The following FRMD4B variants were observed in gnomAD, a reference collection of about 807,000 sequenced individuals.
FRMD4B encodes FERM domain-containing protein 4B.
FRMD4B carries 74 observed loss-of-function variants against 141.5 expected under a neutral mutation model. That is an observed-to-expected ratio of 0.52 (90% CI 0.43 to 0.63). The LOEUF is 0.63. Ranked by LOEUF, FRMD4B falls within the 30% of genes least tolerant of loss-of-function variation. The probability of loss-of-function intolerance (pLI) is 0.00; values close to 1 mark genes in which losing one functional copy is unlikely to be tolerated. For missense variants in FRMD4B, 1,366 were observed against 1,253.4 expected (o/e 1.09, Z -1.36); for synonymous variants, 506 against 467.9 (o/e 1.08, Z -1.05).
intron 1 of FRMD4B, among the ~76,000 whole-genome samples, chr3:69,475,651 G>A (rs1393575126): frequency 1.3e-5 from 2 of 152,190 alleles, no homozygotes; most frequent in Admixed American, 6.5e-5. Context: ...ATTGTGAATA[G>A]AGCCGCAATA....
chr3:69,444,094 C>G (rs1404523329), intron 1 of FRMD4B, among the ~76,000 whole-genome samples: 1 of 152,194 alleles, frequency 6.6e-6, no homozygotes, highest in Non-Finnish European at 1.5e-5. Flanking sequence ...CCACACCCCT[C>G]TGATTTCATC....
chr3:69,388,909 G>A (rs577498209), upstream of FRMD4B, among the ~76,000 whole-genome samples: 8 of 152,194 alleles, frequency 5.3e-5, no homozygotes, highest in East Asian at 3.9e-4. Context: ...GCATTGTGGC[G>A]AAGTCTGGGC....
chr3:69,302,525 T>G (rs555546670), intron 3 of FRMD4B, 90 bp from the exon 4 acceptor site: 5 of 784,318 alleles, frequency 6.4e-6, no homozygotes, highest in Non-Finnish European at 1.1e-5. Flanking sequence ...GCGAAATAGT[T>G]GCTCTCATAC....
chr3:69,428,583 T>G (rs1705124265), intron 2 of FRMD4B, among the ~76,000 whole-genome samples: 1 of 151,984 alleles, frequency 6.6e-6, no homozygotes, highest in Non-Finnish European at 1.5e-5. Context: ...TTTAACTGAT[T>G]GTCACTAAAA....
intron 1 of FRMD4B, among the ~76,000 whole-genome samples, chr3:69,341,371 G>A (rs900517590): frequency 6.6e-6 from 1 of 152,216 alleles, no homozygotes; most frequent in African/African-American, 2.4e-5. Flanking sequence ...TCCCACTAGA[G>A]TGACCTTACT....
In FRMD4B at chr3:69,419,896, G is replaced by A. The variant is rs772801350; in HGVS notation, c.-1+12738C>T. On this transcript the variant is annotated intron_variant, in intron 2 of 5. Coordinates refer to the FRMD4B transcript ENST00000459638. ...GTTTGAGATGGAGTTTTGCCCTGTCGCCCAGGCTGGAGTGCAATGGCACAA... is the reference window on the plus strand; with the variant it reads ...GTTTGAGATGGAGTTTTGCCCTGTCACCCAGGCTGGAGTGCAATGGCACAA... Among the ~76,000 whole-genome samples the A allele has an allele frequency of 9.8e-5, 15 of 152,288 alleles. No homozygotes were observed. The South Asian group carries it at 1.2e-3, about 13-fold the overall frequency.
chr3:69,359,108 G>A (rs1248380984), intron 1 of FRMD4B, among the ~76,000 whole-genome samples: 3 of 152,154 alleles, frequency 2.0e-5, no homozygotes, highest in Non-Finnish European at 4.4e-5. Flanking sequence ...AAGTGGTGGG[G>A]GAACAGCAGT....
chr3:69,203,464 C>G (rs1226614535), intron 11 of FRMD4B, among the ~76,000 whole-genome samples: 1 of 151,978 alleles, frequency 6.6e-6, no homozygotes, highest in South Asian at 2.1e-4. Context: ...TCTTTTCCAT[C>G]AACAGATATT....
At chr3:69,445,087 C>T (rs944678813) in intron 1 of FRMD4B, among the ~76,000 whole-genome samples, 11 of 152,150 alleles carry the variant, frequency 7.2e-5, no homozygotes, top group Admixed American at 5.2e-4. Flanking sequence ...ACTCCCGCTG[C>T]GGTCAGAGTG....
rs1265509877 is a variant in FRMD4B, at chr3:69,385,828, C to G, written c.162G>C (p.Gln54His). 1 of 1,566,148 alleles carries G rather than the reference C, an allele frequency of 6.4e-7. No homozygotes were observed. Among genetic ancestry groups the G allele is most frequent in the African/African-American group, 1.4e-5 (1 of 73,586 alleles). ...RTWCGLQDVYQMTEGRHCQVH... is the reference protein window; with the variant it reads ...RTWCGLQDVYHMTEGRHCQVH... ...TCGGGTGCCGCGCGCTCCAGCTCAC[C>G]TGGTACACGTCCTGCAGCCCGCACC... Residue 54 changes from glutamine (Q) to histidine (H), a missense_variant and splice_region_variant, in exon 1 of 23, where the codon CAG (glutamine) becomes CAC (histidine). By Grantham distance (24) the Gln-to-His change is conservative (BLOSUM62 0). Transcript: ENST00000398540.
intron 7 of FRMD4B, among the ~76,000 whole-genome samples, chr3:69,234,561 G>T (rs142045044): frequency 6.6e-6 from 1 of 152,276 alleles, no homozygotes; most frequent in African/African-American, 2.4e-5. Context: ...CTTCAATGAT[G>T]AATTCAGTGT....
intron 11 of FRMD4B, among the ~76,000 whole-genome samples, chr3:69,207,360 C>T (rs1429271471): frequency 6.6e-6 from 1 of 151,000 alleles, no homozygotes; most frequent in Non-Finnish European, 1.5e-5. Context: ...ACTGTTTATG[C>T]CTCTTCATAG....
chr3:69,490,587 T>G (rs567097879), intron 1 of FRMD4B, among the ~76,000 whole-genome samples: 1 of 152,188 alleles, frequency 6.6e-6, no homozygotes, highest in Admixed American at 6.5e-5. Flanking sequence ...TAGACTTCCA[T>G]AGCTTCAGCA....
chr3:69,454,060 A>G (rs568959446), intron 1 of FRMD4B, among the ~76,000 whole-genome samples: 1 of 152,322 alleles, frequency 6.6e-6, no homozygotes, highest in Non-Finnish European at 1.5e-5. Flanking sequence ...GGACAATCAA[A>G]TAAATAAGAG....
intron 1 of FRMD4B, among the ~76,000 whole-genome samples, chr3:69,452,883 G>A (rs553327007): frequency 6.6e-6 from 1 of 152,268 alleles, no homozygotes; most frequent in South Asian, 2.1e-4. Flanking sequence ...AATAAGTTTA[G>A]CAATATATTT....
intron 1 of FRMD4B, among the ~76,000 whole-genome samples, chr3:69,314,902 A>T (rs1040758523): frequency 6.6e-6 from 1 of 151,984 alleles, no homozygotes; most frequent in African/African-American, 2.4e-5. Context: ...GGTGGCATGC[A>T]CCTATAGTCC....
chr3:69,340,380 T>C (rs1040304858), intron 1 of FRMD4B, among the ~76,000 whole-genome samples: 1 of 152,206 alleles, frequency 6.6e-6, no homozygotes, highest in East Asian at 1.9e-4. Flanking sequence ...GTGTTCTCAT[T>C]ATTTAGCTCC....
chr3:69,385,930 T>G lies in FRMD4B; in HGVS notation c.60A>C (p.Val20=). ...GCAGCGTGGACACGGTCAAGTTCCA[T>G]ACGAAGCGGCTGCCGCTGAACAGCA... The part of the protein sequence containing the change: ...EDLLFSGSRF[V]WNLTVSTLRR... The change falls in exon 1 of 23, where the codon GTA becomes GTC. Residue 20 remains valine (V), a synonymous_variant. Coordinates refer to ENST00000398540, the MANE Select transcript of FRMD4B (RefSeq NM_015123.3). 1 of 1,605,262 alleles carries G rather than the reference T, an allele frequency of 6.2e-7. No homozygotes were observed. Among genetic ancestry groups the G allele is most frequent in the Non-Finnish European group, 8.5e-7 (1 of 1,176,420 alleles).
At chr3:69,482,955 G>A (rs1706154849) in intron 1 of FRMD4B, among the ~76,000 whole-genome samples, 1 of 152,224 alleles carries the variant, frequency 6.6e-6, no homozygotes, top group East Asian at 1.9e-4. Context: ...ACTCGGCTAG[G>A]CAGGAGGACC....
Sources: allele counts gnomAD v4.1 joint callset (sites outside exome capture counted in the v4.1 genomes callset), GRCh38; gene constraint gnomAD v4.1.1; transcripts MANE v1.5; gene names NCBI Gene and HGNC (gene_info 2026-07-23, HGNC 2026-07-21).